MBD2: variants seen among roughly 807,000 people sequenced by gnomAD.
MBD2 encodes methyl-CpG binding domain protein 2.
Under a neutral mutation model 39.3 loss-of-function variants are expected in MBD2, and 9 were observed. The ratio of observed to expected loss-of-function variants is 0.23; its 90% CI spans 0.14 to 0.40. The LOEUF (loss-of-function observed/expected upper bound fraction) is 0.40. Ranked by LOEUF, MBD2 falls within the 10% of genes least tolerant of loss-of-function variation. The probability of loss-of-function intolerance (pLI) is 1.00; values close to 1 mark genes in which losing one functional copy is unlikely to be tolerated. For synonymous variants in MBD2, 233 were observed against 211.1 expected (o/e 1.10, Z -0.90); for missense variants, 458 against 532.6 (o/e 0.86, Z 1.38).
chr18:54,201,200 G>T (rs1229024413), intron 2 of MBD2, among the ~76,000 whole-genome samples: 9 of 152,160 alleles, frequency 5.9e-5, no homozygotes, highest in African/African-American at 2.2e-4. Context: ...ATGCTGCTCT[G>T]TAACTTTTTC....
chr18:54,163,279 A>G (rs2086109358), intron 5 of MBD2, among the ~76,000 whole-genome samples: 1 of 152,176 alleles, frequency 6.6e-6, no homozygotes, highest in African/African-American at 2.4e-5. Context: ...CTCAAAAAAC[A>G]AACAAACAAA....
At chr18:54,210,866 A>ATTTTTTTTT (rs74180457) in intron 1 of MBD2, among the ~76,000 whole-genome samples, 1 of 99,348 alleles carries the variant, frequency 1.0e-5, no homozygotes, top group Non-Finnish European at 1.9e-5. Flanking sequence ...TCAACTTTCT[A>ATTTTTTTTT]TTTTTTTTTT....
At chr18:54,166,040 T>C (rs764867334) in intron 4 of MBD2, 36 bp downstream of exon 4, 1 of 1,415,926 alleles carries the variant, frequency 7.1e-7, no homozygotes, top group Non-Finnish European at 1.0e-6. Flanking sequence ...CAGTAGGTAC[T>C]TGATAAATGT....
intron 6 of MBD2, among the ~76,000 whole-genome samples, chr18:54,159,420 CTT>C (rs112503497): frequency 1.4e-5 from 2 of 145,728 alleles, no homozygotes; most frequent in East Asian, 2.0e-4. Context: ...ACAGCGACAC[CTT>C]TTTTTTTTTT....
intron 2 of MBD2, chr18:54,203,154 T>C (rs576891041): frequency 1.9e-4 from 300 of 1,603,920 alleles, no homozygotes; most frequent in Non-Finnish European, 2.4e-4. Context: ...TGTTTGGTTT[T>C]TGATGAAACA....
intron 1 of MBD2, among the ~76,000 whole-genome samples, chr18:54,219,238 G>A (rs1323784805): frequency 6.6e-6 from 1 of 152,156 alleles, no homozygotes; most frequent in Non-Finnish European, 1.5e-5. Context: ...CCTTCACACT[G>A]ATGATGAAAA....
At chr18:54,201,655 G>T (rs567910582) in intron 2 of MBD2, among the ~76,000 whole-genome samples, 1 of 152,232 alleles carries the variant, frequency 6.6e-6, no homozygotes, top group Admixed American at 6.5e-5. Flanking sequence ...GAGGTCAGGA[G>T]ATCGAGACCA....
At chr18:54,160,107 C>T in intron 5 of MBD2, 1 of 530,004 alleles carries the variant, frequency 1.9e-6, no homozygotes, top group Non-Finnish European at 3.4e-6. Context: ...TTCACAGAGG[C>T]AGTTATCCCT....
At chr18:54,185,337 C>T (rs1469543893) in intron 3 of MBD2, among the ~76,000 whole-genome samples, 2 of 151,972 alleles carry the variant, frequency 1.3e-5, no homozygotes, top group African/African-American at 2.4e-5. Flanking sequence ...ATTACCCCTA[C>T]AAAAAAGTGA....
intron 6 of MBD2, among the ~76,000 whole-genome samples, chr18:54,156,214 G>T (rs1336941091): frequency 6.6e-6 from 1 of 152,156 alleles, no homozygotes; most frequent in Non-Finnish European, 1.5e-5. Context: ...GGGGTTATTT[G>T]AGTAAGGTAA....
At position 54,187,570 on chromosome 18, in the gene MBD2, G is replaced by A. The variant is rs1270701615; in HGVS notation, c.840+1304C>T. On this transcript the variant is annotated intron_variant, in intron 3 of 6. Coordinates refer to ENST00000256429, the MANE Select transcript of MBD2 (RefSeq NM_003927.5). ...ATATACTGCAACCTCCTGTGGTTTC[G>A]TGACTATCACTGGGTGTGGTAGTAA... 10 of 457,334 alleles carry A rather than the reference G, an allele frequency of 2.2e-5. No homozygotes were observed. In the Admixed American group the frequency reaches 3.2e-4, roughly 15 times the overall value. 28.3% of individuals were successfully genotyped at this position (457,334 alleles called of 1,614,324 possible).
chr18:54,206,877 CAA>C (rs200989805), intron 1 of MBD2, among the ~76,000 whole-genome samples: 1 of 152,158 alleles, frequency 6.6e-6, no homozygotes, highest in East Asian at 1.9e-4. Flanking sequence ...AATAAAATAG[CAA>C]GTCACTCGCA....
intron 1 of MBD2, among the ~76,000 whole-genome samples, chr18:54,223,307 A>G (rs1257056196): frequency 6.6e-6 from 1 of 152,226 alleles, no homozygotes; most frequent in Non-Finnish European, 1.5e-5. Context: ...GGGCCAGATC[A>G]TTCTTTGTTG....
chr18:54,220,907 T>C (rs1267770944), intron 1 of MBD2, among the ~76,000 whole-genome samples: 1 of 152,200 alleles, frequency 6.6e-6, no homozygotes, highest in Non-Finnish European at 1.5e-5. Flanking sequence ...AAAACAAGAC[T>C]GGTTGTTAAC....
chr18:54,190,982 G>A (rs1339711652), intron 2 of MBD2, among the ~76,000 whole-genome samples: 3 of 152,158 alleles, frequency 2.0e-5, no homozygotes, highest in Non-Finnish European at 4.4e-5. Flanking sequence ...CACAATTATC[G>A]TGTTTTCTCA....
chr18:54,217,066 G>A (rs1351127895), intron 1 of MBD2, among the ~76,000 whole-genome samples: 2 of 152,128 alleles, frequency 1.3e-5, no homozygotes, highest in Non-Finnish European at 2.9e-5. Flanking sequence ...TCCAGCCTGG[G>A]CAACAAGAGC....
At chr18:54,157,640 A>T (rs1226615583) in intron 6 of MBD2, among the ~76,000 whole-genome samples, 1 of 152,192 alleles carries the variant, frequency 6.6e-6, no homozygotes, top group African/African-American at 2.4e-5. Context: ...GTAAGACATT[A>T]TATGTATTAT....
intron 5 of MBD2, among the ~76,000 whole-genome samples, chr18:54,161,310 A>G (rs886154273): frequency 1.3e-5 from 2 of 152,252 alleles, no homozygotes; most frequent in African/African-American, 4.8e-5. Context: ...ATTTTCAAAA[A>G]GAGGGAAGCT....
intron 1 of MBD2, among the ~76,000 whole-genome samples, chr18:54,215,071 T>C (rs961370619): frequency 4.6e-5 from 7 of 152,144 alleles, no homozygotes; most frequent in Admixed American, 2.0e-4. Context: ...ACTAGATTTA[T>C]AGTTGAGGAA....
Sources: gnomAD v4.1 joint callset for allele counts (sites outside exome capture counted in the v4.1 genomes callset) on GRCh38, gnomAD v4.1.1 for gene constraint, MANE v1.5 for transcripts, NCBI Gene and HGNC (gene_info 2026-07-23, HGNC 2026-07-21) for gene names.